Variants in LPIN2 observed in about 807,000 individuals in gnomAD.
LPIN2 encodes phosphatidate phosphatase LPIN2.
Under a neutral mutation model 111.4 loss-of-function variants are expected in LPIN2, and 55 were observed. The observed-to-expected ratio is 0.49, with a 90% CI of 0.40 to 0.62. The LOEUF (loss-of-function observed/expected upper bound fraction) is 0.62, where lower values mean the gene tolerates loss of function less well. LPIN2 is among the 20% of genes least tolerant of loss of function. LPIN2 has a pLI of 0.00. For synonymous variants in LPIN2, 425 were observed against 414.0 expected (o/e 1.03, Z -0.32); for missense variants, 992 against 1,112.1 (o/e 0.89, Z 1.54).
At chr18:3,011,360 T>C (rs754308832) in intron 1 of LPIN2, among the ~76,000 whole-genome samples, 4 of 152,304 alleles carry the variant, frequency 2.6e-5, no homozygotes, top group Non-Finnish European at 4.4e-5. Context: ...TAGCTTTCTA[T>C]GGCTACCTCT....
rs146067222 is a variant in LPIN2, at chr18:2,937,727, G to A, written c.1133C>T (p.Pro378Leu). 87 of 1,614,022 alleles carry A rather than the reference G, an allele frequency of 5.4e-5. No individual in the cohort carries two copies. In the African/African-American group the frequency reaches 7.9e-4, roughly 15 times the overall value. The change falls in exon 7 of 20, where the codon CCG (proline) becomes CTG (leucine). Residue 378 changes from proline to leucine, a missense_variant. Transcript: ENST00000677752. Reference protein sequence around the residue: ...ALAEAPSESKPAAKVDSPSKK... With the variant: ...ALAEAPSESKLAAKVDSPSKK... The stretch of plus-strand genomic sequence containing the variant: ...TGACGGCGAGTCTACTTTAGCTGCC[G>A]GTTTGGATTCTGAGGGCGCCTCCGC...
chr18:2,934,338 A>G lies in LPIN2; in HGVS notation c.1268+13T>C, dbSNP rs371589907. 1.8e-4 allele frequency: 278 copies of G among 1,558,420 alleles called. No homozygotes were observed. Among genetic ancestry groups the G allele is most frequent in the Non-Finnish European group, 2.3e-4 (261 of 1,129,814 alleles). The stretch of plus-strand genomic sequence containing the variant: ...TTTCAGAGCTGTCCTTCAATAAATA[A>G]GGACCACTCTACCTTTTAGGGAAAT... On this transcript the variant is annotated intron_variant, in intron 8 of 19. Coordinates refer to ENST00000677752, the MANE Select transcript of LPIN2 (RefSeq NM_001375808.2).
At chr18:2,923,958 G>A in intron 15 of LPIN2, 97 bp from the exon 16 acceptor site, 1 of 949,090 alleles carries the variant, frequency 1.1e-6, no homozygotes, top group Non-Finnish European at 1.7e-6. Flanking sequence ...ACTAATTGGT[G>A]GCGGGACACT....
intron 1 of LPIN2, among the ~76,000 whole-genome samples, chr18:2,974,988 G>A (rs111999084): frequency 0.01 from 1,556 of 152,264 alleles, 26 homozygotes; most frequent in African/African-American, 0.035. Context: ...AACAGAGCAA[G>A]ATCCTGACTC....
chr18:2,948,036 T>TA (rs1311514151), intron 4 of LPIN2, among the ~76,000 whole-genome samples: 2 of 152,256 alleles, frequency 1.3e-5, no homozygotes, highest in African/African-American at 4.8e-5. Flanking sequence ...GTCTACCTTT[T>TA]AGCTCAGTGC....
At chr18:2,971,080 T>C (rs2077900868) in intron 1 of LPIN2, among the ~76,000 whole-genome samples, 1 of 152,180 alleles carries the variant, frequency 6.6e-6, no homozygotes, top group African/African-American at 2.4e-5. Context: ...AGGTATAACT[T>C]AAGGAAGGAC....
chr18:2,964,025 T>C (rs950413079), intron 1 of LPIN2, among the ~76,000 whole-genome samples: 5 of 151,858 alleles, frequency 3.3e-5, no homozygotes, highest in African/African-American at 1.2e-4. Flanking sequence ...CTCACGCCTG[T>C]AATCCCAGCA....
chr18:2,972,765 G>A (rs1846327033), intron 1 of LPIN2, among the ~76,000 whole-genome samples: 2 of 152,158 alleles, frequency 1.3e-5, no homozygotes, highest in South Asian at 4.1e-4. Flanking sequence ...TCATAGCTCT[G>A]TAAAACTAAA....
At chr18:2,974,664 A>G (rs1338477467) in intron 1 of LPIN2, among the ~76,000 whole-genome samples, 2 of 152,044 alleles carry the variant, frequency 1.3e-5, no homozygotes, top group Non-Finnish European at 2.9e-5. Flanking sequence ...ATGATGGGGG[A>G]AAAAGTGGAG....
chr18:3,009,163 G>T (rs2078563240), intron 1 of LPIN2, among the ~76,000 whole-genome samples: 1 of 151,954 alleles, frequency 6.6e-6, no homozygotes, highest in African/African-American at 2.4e-5. Context: ...ACTTTGGGAG[G>T]CCAAGGCAGG....
intron 2 of LPIN2, 50 bp from the exon 3 acceptor site, chr18:2,954,649 A>C (rs373386374): frequency 4.7e-6 from 6 of 1,270,026 alleles, no homozygotes; most frequent in Middle Eastern, 3.7e-4. Flanking sequence ...CTTTCCTTCA[A>C]GTTAAACTAA....
In LPIN2 at chr18:2,952,402, C is replaced by A. The variant is rs535554995; in HGVS notation, c.289-1046G>T. On this transcript the variant is annotated intron_variant, in intron 3 of 19. Coordinates refer to ENST00000677752, the MANE Select transcript of LPIN2 (RefSeq NM_001375808.2). ...TCATGCCACTGCACTCCAGCCTGGG[C>A]AACAGAGCGAGACTCCATCTCAAAA... 3.3e-5 allele frequency among the ~76,000 whole-genome samples: 5 copies of A among 152,234 alleles called. No homozygotes were observed. In the South Asian group the frequency reaches 8.3e-4, roughly 25 times the overall value.
intron 1 of LPIN2, among the ~76,000 whole-genome samples, chr18:2,999,827 G>T (rs1276275415): frequency 1.3e-5 from 2 of 152,088 alleles, no homozygotes; most frequent in Non-Finnish European, 2.9e-5. Context: ...GTAAAATTAA[G>T]ACATTCTATA....
rs779460501 is a variant in LPIN2, at chr18:2,946,496, A to C, written c.590+4559T>G. Reference sequence around the variant, plus strand: ...ATCGTCGGAATTGGTCTCAGGATCGAAGCGCTGACCGCAGCTCCGGTTGTA... The same window carrying C: ...ATCGTCGGAATTGGTCTCAGGATCGCAGCGCTGACCGCAGCTCCGGTTGTA... On this transcript the variant is annotated intron_variant, in intron 4 of 19. Transcript: ENST00000677752. 5 of 1,567,246 alleles carry C rather than the reference A, an allele frequency of 3.2e-6. No individual in the cohort carries two copies. In the African/African-American group the frequency reaches 5.4e-5, roughly 17 times the overall value.
Position 2,925,208 on chromosome 18 carries a change from A to G in LPIN2, c.1938+16T>C, listed in dbSNP as rs2077112436. 1.2e-6 allele frequency: 2 copies of G among 1,614,064 alleles called. No individual in the cohort carries two copies. Among genetic ancestry groups the G allele is most frequent in the African/African-American group, 2.7e-5 (2 of 74,932 alleles). On this transcript the variant is annotated intron_variant, in intron 14 of 19. Transcript: ENST00000677752. This position sits in a 1 kb window ranked among gnomAD's most constrained non-coding sequence, Gnocchi z 4.1. The stretch of plus-strand genomic sequence containing the variant: ...AAATAAGTCCTACTGGACAACACAG[A>G]TCATGCAAGACTCACGATCTGGTCT...
intron 1 of LPIN2, among the ~76,000 whole-genome samples, chr18:3,010,939 G>A (rs896929915): frequency 6.6e-6 from 1 of 152,168 alleles, no homozygotes; most frequent in African/African-American, 2.4e-5. Context: ...ATTCAGGGAA[G>A]GTAAGTGAGC....
At chr18:2,971,586 T>G (rs1232647311) in intron 1 of LPIN2, among the ~76,000 whole-genome samples, 2 of 152,192 alleles carry the variant, frequency 1.3e-5, no homozygotes, top group African/African-American at 4.8e-5. Flanking sequence ...TAAGTGGTTT[T>G]GGATCAATGA....
chr18:2,990,480 A>AT (rs2078248986), intron 1 of LPIN2, among the ~76,000 whole-genome samples: 1 of 152,274 alleles, frequency 6.6e-6, no homozygotes, highest in South Asian at 2.1e-4. Context: ...AAGGATCTAG[A>AT]TAAACCCTTC....
intron 10 of LPIN2, 73 bp from the exon 11 acceptor site, chr18:2,928,733 A>G: frequency 1.1e-6 from 1 of 926,626 alleles, no homozygotes; most frequent in Non-Finnish European, 1.8e-6. Flanking sequence ...GGAATCAGGG[A>G]GGGAGGGAGG....
Sources: allele counts gnomAD v4.1 joint callset (sites outside exome capture counted in the v4.1 genomes callset), GRCh38; gene constraint gnomAD v4.1.1; non-coding constraint Gnocchi (gnomAD v3.1); transcripts MANE v1.5; gene names NCBI Gene and HGNC (gene_info 2026-07-23, HGNC 2026-07-21).